The following HOXC5 variants were observed in gnomAD, a reference collection of about 807,000 sequenced individuals.
HOXC5 encodes the protein homeobox C5, also known as homeobox protein Hox-C5.
Under a neutral mutation model 20.1 loss-of-function variants are expected in HOXC5, and 19 were observed. That is an observed-to-expected ratio of 0.94 (90% CI 0.66 to 1.38). The LOEUF (loss-of-function observed/expected upper bound fraction) is 1.38, where lower values mean the gene tolerates loss of function less well. HOXC5 is among the 40% of genes most tolerant of loss of function. The probability of loss-of-function intolerance (pLI) is 0.00; values close to 1 mark genes in which losing one functional copy is unlikely to be tolerated. For missense variants in HOXC5, 330 were observed against 300.1 expected (o/e 1.10, Z -0.74); for synonymous variants, 124 against 117.0 (o/e 1.06, Z -0.39).
rs1941059885 is a variant in HOXC5 at position 54,033,307 on chromosome 12, A to C, written c.185A>C (p.Asp62Ala). The change falls in exon 1 of 2, where the codon GAC becomes GCC. Residue 62 changes from aspartate to alanine, a missense_variant. Transcript: ENST00000312492. ...PAPSNSLHGV[D>A]MAANPRAHPD... is the part of the protein sequence containing the mutation. ...CCTTCCAACTCTCTCCACGGGGTAG[A>C]CATGGCTGCCAACCCCCGGGCTCAC... 5 of 1,613,984 alleles carry C rather than the reference A, an allele frequency of 3.1e-6. No homozygotes were observed. In the Admixed American group the frequency reaches 6.7e-5, roughly 22 times the overall value.
the HOXC5 span, among the ~76,000 whole-genome samples, chr12:54,025,354 A>G: frequency 3.3e-5 from 5 of 152,350 alleles, no homozygotes; most frequent in South Asian, 2.1e-4. Flanking sequence ...TGCCAAAAAA[A>G]TAAAATTAAC....
upstream of HOXC5, chr12:54,028,572 C>G: frequency 6.2e-7 from 1 of 1,614,124 alleles, no homozygotes. Flanking sequence ...TCGCCGGGGG[C>G]CAGGACGTCC....
intron 1 of HOXC5, chr12:54,034,050 G>GC: frequency 1.4e-6 from 1 of 701,582 alleles, no homozygotes; most frequent in East Asian, 2.8e-5. Context: ...CCCCCCCTCA[G>GC]CCCCTCCGGC....
chr12:54,018,132 C>T, the HOXC5 span, among the ~76,000 whole-genome samples: 1 of 151,442 alleles, frequency 6.6e-6, no homozygotes, highest in African/African-American at 2.4e-5. Flanking sequence ...GGGAGGTGCC[C>T]TGCGTTGGGT....
chr12:54,020,231 G>A, the HOXC5 span: 2 of 152,308 alleles, frequency 1.3e-5, no homozygotes, highest in African/African-American at 2.4e-5. Flanking sequence ...CTGGCTCAAG[G>A]ACTCTGCACA....
chr12:54,033,673 T>C (rs1428742264), intron 1 of HOXC5, 97 bp downstream of exon 1: 1 of 1,099,214 alleles, frequency 9.1e-7, no homozygotes. Flanking sequence ...CCATAAATTT[T>C]ACGATCCAGG....
chr12:54,028,963 C>T, upstream of HOXC5: 1 of 1,550,628 alleles, frequency 6.4e-7, no homozygotes, highest in East Asian at 2.3e-5. Context: ...ATAAACTGAA[C>T]TGGCTTTATG....
Position 54,034,286 on chromosome 12 carries a change from G to C in HOXC5, c.463G>C (p.Gly155Arg), listed in dbSNP as rs752801299. Residue 155 changes from glycine (G) to arginine (R), a missense_variant, in exon 2 of 2, where the codon GGC (glycine) becomes CGC (arginine). Gly to Arg is a moderately radical substitution (Grantham distance 125, BLOSUM62 -2). Transcript: ENST00000312492. ...TGGGGTTTATGTTCCAGAGACGGAC[G>C]GCAAGCGGTCCCGAACCAGTTACAC... is the stretch of plus-strand genomic sequence containing the variant. ...TKLHMSHETD[G>R]KRSRTSYTRY... 86 of 1,613,364 alleles carry C rather than the reference G, an allele frequency of 5.3e-5. No homozygotes were observed. Among genetic ancestry groups the C allele is most frequent in the Non-Finnish European group, 6.9e-5 (82 of 1,179,902 alleles).
chr12:54,025,800 A>G, the HOXC5 span, among the ~76,000 whole-genome samples: 22 of 152,224 alleles, frequency 1.4e-4, no homozygotes, highest in East Asian at 1.9e-3. Context: ...TTAGGCCCCA[A>G]TAGAGAATCT....
chr12:54,019,318 G>T, the HOXC5 span, among the ~76,000 whole-genome samples: 1 of 152,112 alleles, frequency 6.6e-6, no homozygotes, highest in Non-Finnish European at 1.5e-5. Context: ...GCTGCCGCGC[G>T]CTCTCCCGCC....
the HOXC5 span, among the ~76,000 whole-genome samples, chr12:54,025,497 C>T: frequency 7.2e-6 from 1 of 138,854 alleles, no homozygotes; most frequent in East Asian, 2.2e-4. Flanking sequence ...AAGAAGAGGG[C>T]TTCTTCTTTC....
chr12:54,032,376 AG>A (rs1260276237), upstream of HOXC5, among the ~76,000 whole-genome samples: 1 of 152,224 alleles, frequency 6.6e-6, no homozygotes, highest in East Asian at 1.9e-4. Flanking sequence ...TCTTGCTGAT[AG>A]GCACCTCTTC....
chr12:54,025,539 A>C, the HOXC5 span, among the ~76,000 whole-genome samples: 13 of 23,734 alleles, frequency 5.5e-4, no homozygotes, highest in East Asian at 6.1e-3. Context: ...GGGGGGGGGG[A>C]GGTGTTGAAA....
chr12:54,024,103 A>T, the HOXC5 span, among the ~76,000 whole-genome samples: 2 of 152,184 alleles, frequency 1.3e-5, no homozygotes, highest in Admixed American at 6.5e-5. Flanking sequence ...TTAACCAAAT[A>T]GTGTGATTAT....
chr12:54,030,075 T>G (rs1940924520), upstream of HOXC5: 2 of 1,099,066 alleles, frequency 1.8e-6, no homozygotes, highest in Non-Finnish European at 2.5e-6. Flanking sequence ...TTTGATTCCC[T>G]AAAACAAAAT....
upstream of HOXC5, chr12:54,029,829 G>T: frequency 6.2e-7 from 1 of 1,614,032 alleles, no homozygotes; most frequent in Non-Finnish European, 8.5e-7. Flanking sequence ...TTCCAGAACC[G>T]CCGGATGAAG....
chr12:54,033,644 A>G, intron 1 of HOXC5, 68 bp downstream of exon 1: 1 of 1,319,334 alleles, frequency 7.6e-7, no homozygotes, highest in Non-Finnish European at 1.0e-6. Flanking sequence ...CGGGGCAAAT[A>G]AAGAAAAAAA....
upstream of HOXC5, among the ~76,000 whole-genome samples, chr12:54,031,751 T>C (rs899847301): frequency 6.6e-6 from 1 of 151,994 alleles, no homozygotes; most frequent in African/African-American, 2.4e-5. Flanking sequence ...GGGGCGGAGA[T>C]TTCCTGGGAA....
upstream of HOXC5, among the ~76,000 whole-genome samples, chr12:54,032,608 C>T (rs2136445198): frequency 6.6e-6 from 1 of 152,286 alleles, no homozygotes. Flanking sequence ...GGGGCCTCGT[C>T]TTTTCCCAAT....
Sources: gnomAD v4.1 joint callset for allele counts (sites outside exome capture counted in the v4.1 genomes callset) on GRCh38, gnomAD v4.1.1 for gene constraint, MANE v1.5 for transcripts, NCBI Gene and HGNC (gene_info 2026-07-23, HGNC 2026-07-21) for gene names.